CASD1: variants seen among roughly 807,000 people sequenced by gnomAD.
CASD1 encodes N-acetylneuraminate (7)9-O-acetyltransferase.
CASD1 carries 41 observed loss-of-function variants against 100.0 expected under a neutral mutation model. The ratio of observed to expected loss-of-function variants is 0.41; its 90% CI spans 0.32 to 0.53. CASD1 has a LOEUF of 0.53. Among genes scored for constraint, CASD1 ranks in the 20% least tolerant of loss-of-function variants. The pLI, the probability that CASD1 is intolerant of heterozygous loss-of-function variation, is 0.25. For missense variants in CASD1, 774 were observed against 948.7 expected (o/e 0.82, Z 2.42); for synonymous variants, 321 against 315.6 (o/e 1.02, Z -0.18).
chr7:94,538,473 C>G (rs538562209), intron 9 of CASD1, among the ~76,000 whole-genome samples: 1 of 152,136 alleles, frequency 6.6e-6, no homozygotes, highest in East Asian at 1.9e-4. Context: ...TAAAACATAC[C>G]TCTCCTGTGA....
At chr7:94,535,269 A>T (rs753407472) in intron 7 of CASD1, 40 bp from the exon 8 acceptor site, 2 of 1,475,872 alleles carry the variant, frequency 1.4e-6, no homozygotes, top group Non-Finnish European at 1.9e-6. Flanking sequence ...ACCAATAGGG[A>T]TTTTTAAAAT....
At chr7:94,583,874 CAAAA>C in the CASD1 span, among the ~76,000 whole-genome samples, 7 of 151,930 alleles carry the variant, frequency 4.6e-5, no homozygotes, top group African/African-American at 7.2e-5. Context: ...CAAAACAAAA[CAAAA>C]AAACCCTTAA....
At chr7:94,541,093 A>G (rs1213688613) in intron 10 of CASD1, among the ~76,000 whole-genome samples, 1 of 152,096 alleles carries the variant, frequency 6.6e-6, no homozygotes, top group Non-Finnish European at 1.5e-5. Flanking sequence ...CATGCTTTTC[A>G]CTAACAGATC....
the CASD1 span, among the ~76,000 whole-genome samples, chr7:94,601,464 A>AAAAC: frequency 9.1e-6 from 1 of 109,708 alleles, no homozygotes; most frequent in African/African-American, 2.8e-5. Flanking sequence ...AAAAAAAAAA[A>AAAAC]AAAAAAAAAA....
At chr7:94,627,948 A>ATC in the CASD1 span, 1 of 424,972 alleles carries the variant, frequency 2.4e-6, no homozygotes, top group Non-Finnish European at 4.3e-6. Flanking sequence ...TATTATAATA[A>ATC]TCTCTTTTAA....
At chr7:94,605,660 GAC>G in the CASD1 span, among the ~76,000 whole-genome samples, 1 of 151,834 alleles carries the variant, frequency 6.6e-6, no homozygotes, top group African/African-American at 2.4e-5. Flanking sequence ...ATCAGTAAAA[GAC>G]AGTTTAAAAA....
the CASD1 span, chr7:94,619,294 A>G: frequency 3.7e-5 from 7 of 189,614 alleles, 1 homozygote; most frequent in Non-Finnish European, 6.5e-5. Context: ...GCATGCTAAA[A>G]TATTACTTTT....
At chr7:94,607,257 C>A in the CASD1 span, among the ~76,000 whole-genome samples, 2 of 152,102 alleles carry the variant, frequency 1.3e-5, no homozygotes, top group East Asian at 3.8e-4. Context: ...TACAATATTT[C>A]TCAGAAGACA....
chr7:94,575,949 G>C, the CASD1 span, among the ~76,000 whole-genome samples: 39 of 152,290 alleles, frequency 2.6e-4, no homozygotes, highest in African/African-American at 8.7e-4. Context: ...ATCATGATGT[G>C]TCTAAGTGTG....
chr7:94,555,921 G>A lies in CASD1; in HGVS notation c.*163G>A. 2 of 666,576 alleles carry A rather than the reference G, an allele frequency of 3.0e-6. No individual in the cohort carries two copies. Among genetic ancestry groups the A allele is most frequent in the South Asian group, 2.2e-5 (1 of 44,878 alleles). 41.3% of individuals were successfully genotyped at this position (666,576 alleles called of 1,614,324 possible). A position where few individuals can be genotyped will look rare whatever the true frequency, so the allele number is the denominator to read the frequency against. ...TTGAACATATGTGGTTGTATATATTGGAAATGTACATATCCAATATGAAAT... is the reference window on the plus strand; with the variant it reads ...TTGAACATATGTGGTTGTATATATTAGAAATGTACATATCCAATATGAAAT... On this transcript the variant is annotated 3_prime_UTR_variant, in exon 18 of 18. Coordinates refer to ENST00000297273, the MANE Select transcript of CASD1 (RefSeq NM_022900.5).
At chr7:94,542,965 A>G (rs1221307556) in intron 10 of CASD1, among the ~76,000 whole-genome samples, 2 of 152,206 alleles carry the variant, frequency 1.3e-5, no homozygotes, top group Non-Finnish European at 1.5e-5. Flanking sequence ...TGTAGGTGCT[A>G]TAGGAACTCA....
chr7:94,563,031 C>T, the CASD1 span, among the ~76,000 whole-genome samples: 1 of 152,120 alleles, frequency 6.6e-6, no homozygotes, highest in African/African-American at 2.4e-5. Context: ...GGAGTAAGAT[C>T]TTCCTTATGC....
chr7:94,518,419 G>A, intron 3 of CASD1, 96 bp downstream of exon 3: 3 of 1,062,858 alleles, frequency 2.8e-6, no homozygotes, highest in Non-Finnish European at 3.9e-6. Flanking sequence ...AGTAGGAGCT[G>A]AAAAAATTTT....
At chr7:94,561,615 T>A (rs1796341102), downstream of CASD1, among the ~76,000 whole-genome samples, 1 of 152,050 alleles carries the variant, frequency 6.6e-6, no homozygotes, top group African/African-American at 2.4e-5. Context: ...TTTTTTTTCC[T>A]AAAGAGAACC....
At position 94,510,227 on chromosome 7, in the gene CASD1, C is replaced by G; in HGVS notation, c.133+10C>G. ...TCCCGCCGCTACCGAGGTGAGCGGG[C>G]CCTCCCCTCTGCCCGGGCAGGCCGT... On this transcript the variant is annotated intron_variant, in intron 1 of 17. Transcript: ENST00000297273. 6.7e-7 allele frequency: 1 copy of G among 1,485,284 alleles called. No homozygotes were observed. Among genetic ancestry groups the G allele is most frequent in the Admixed American group, 2.2e-5 (1 of 45,238 alleles). 92.0% of individuals were successfully genotyped at this position (1,485,284 alleles called of 1,614,324 possible).
intron 12 of CASD1, 147 bp from the exon 13 acceptor site, chr7:94,546,949 C>A: frequency 4.2e-6 from 2 of 481,318 alleles, no homozygotes; most frequent in Non-Finnish European, 7.0e-6. Flanking sequence ...GTAATTTATA[C>A]TAACTGGATA....
At chr7:94,564,607 A>G in the CASD1 span, among the ~76,000 whole-genome samples, 1 of 152,208 alleles carries the variant, frequency 6.6e-6, no homozygotes, top group Non-Finnish European at 1.5e-5. Context: ...TGGCTAAAGT[A>G]GTAGTAAATG....
At chr7:94,629,797 G>C in the CASD1 span, 5 of 1,610,070 alleles carry the variant, frequency 3.1e-6, no homozygotes, top group Non-Finnish European at 4.2e-6. Flanking sequence ...CCTGCTGATG[G>C]GTATACATTC....
At chr7:94,587,154 G>A in the CASD1 span, 1 of 984,174 alleles carries the variant, frequency 1.0e-6, no homozygotes, top group Non-Finnish European at 1.2e-6. Context: ...AAAACTCTTT[G>A]GCTCTTATAT....
Sources: allele counts gnomAD v4.1 joint callset (sites outside exome capture counted in the v4.1 genomes callset), GRCh38; gene constraint gnomAD v4.1.1; transcripts MANE v1.5; gene names NCBI Gene and HGNC (gene_info 2026-07-23, HGNC 2026-07-21).